Variants in SPOCK1 observed in about 807,000 individuals in gnomAD.
SPOCK1 encodes SPARC (osteonectin), cwcv and kazal like domains proteoglycan 1, also known as testican-1.
In SPOCK1, 23 loss-of-function variants were observed where a neutral mutation model predicts 55.3. The ratio of observed to expected loss-of-function variants is 0.42; its 90% CI spans 0.30 to 0.59. The LOEUF is 0.59. Ranked by LOEUF, SPOCK1 falls within the 20% of genes least tolerant of loss-of-function variation. The pLI is 0.22. For synonymous variants in SPOCK1, 226 were observed against 221.0 expected (o/e 1.02, Z -0.20); for missense variants, 499 against 552.5 (o/e 0.90, Z 0.97).
At chr5:137,006,176 T>A (rs1404710243) in intron 6 of SPOCK1, among the ~76,000 whole-genome samples, 1 of 152,238 alleles carries the variant, frequency 6.6e-6, no homozygotes, top group Non-Finnish European at 1.5e-5. Flanking sequence ...TAGGATTGTC[T>A]TGGCTATACG....
intron 2 of SPOCK1, among the ~76,000 whole-genome samples, chr5:137,341,417 T>C (rs1750420849): frequency 6.6e-6 from 1 of 152,224 alleles, no homozygotes; most frequent in Non-Finnish European, 1.5e-5. Flanking sequence ...ATCAGGACGC[T>C]GCCAAGGAAG....
chr5:137,137,822 C>A (rs576106065), intron 4 of SPOCK1, among the ~76,000 whole-genome samples: 11 of 152,304 alleles, frequency 7.2e-5, no homozygotes, highest in African/African-American at 9.6e-5. Context: ...TAACTTGCAA[C>A]TTTGGAGATT....
At chr5:137,498,608 G>C (rs1313511102) in intron 1 of SPOCK1, 50 bp from the exon 2 acceptor site, 7 of 1,259,224 alleles carry the variant, frequency 5.6e-6, no homozygotes, top group South Asian at 2.9e-5. Flanking sequence ...GGGCGGCCGC[G>C]AGCCCCGGGC....
intron 5 of SPOCK1, among the ~76,000 whole-genome samples, chr5:137,083,290 C>A (rs1484150857): frequency 6.6e-6 from 1 of 152,240 alleles, no homozygotes; most frequent in African/African-American, 2.4e-5. Context: ...CTCAAATCCT[C>A]GGGAGCCACA....
intron 2 of SPOCK1, among the ~76,000 whole-genome samples, chr5:137,306,860 C>T (rs1222945256): frequency 2.0e-5 from 3 of 152,100 alleles, no homozygotes; most frequent in African/African-American, 7.2e-5. Flanking sequence ...ATAAAGAAGG[C>T]CACTATGTCA....
At chr5:137,053,976 A>G (rs866013069) in intron 6 of SPOCK1, among the ~76,000 whole-genome samples, 1 of 152,148 alleles carries the variant, frequency 6.6e-6, no homozygotes, top group South Asian at 2.1e-4. Context: ...CTACATGTCT[A>G]CAAGACTAAT....
At chr5:136,994,082 G>A (rs1399310732) in intron 6 of SPOCK1, among the ~76,000 whole-genome samples, 1 of 152,134 alleles carries the variant, frequency 6.6e-6, no homozygotes, top group African/African-American at 2.4e-5. Flanking sequence ...TAGAGGAGAG[G>A]TGACCAGGCC....
intron 5 of SPOCK1, among the ~76,000 whole-genome samples, chr5:137,108,728 A>G (rs1295815515): frequency 6.6e-6 from 1 of 152,206 alleles, no homozygotes; most frequent in Admixed American, 6.5e-5. Context: ...GCAGGAATTC[A>G]AAGACACTAA....
chr5:137,191,807 C>G (rs1207436683), intron 3 of SPOCK1, among the ~76,000 whole-genome samples: 1 of 152,206 alleles, frequency 6.6e-6, no homozygotes, highest in South Asian at 2.1e-4. Flanking sequence ...GTCTACTAGT[C>G]TTAAAACTAA....
chr5:137,427,305 C>T (rs1305288808), intron 2 of SPOCK1, among the ~76,000 whole-genome samples: 2 of 152,228 alleles, frequency 1.3e-5, no homozygotes, highest in Non-Finnish European at 2.9e-5. Flanking sequence ...TTCTCCACAA[C>T]ACTGGTTGAT....
intron 2 of SPOCK1, among the ~76,000 whole-genome samples, chr5:137,407,909 G>T (rs1011959034): frequency 6.6e-6 from 1 of 152,116 alleles, no homozygotes. Flanking sequence ...AAGCCACAGG[G>T]CCCTGCAGGG....
chr5:137,105,012 G>A (rs1015380726), intron 5 of SPOCK1, among the ~76,000 whole-genome samples: 1 of 152,150 alleles, frequency 6.6e-6, no homozygotes, highest in South Asian at 2.1e-4. Flanking sequence ...TGGACTGTTG[G>A]TGTCCACTGT....
intron 2 of SPOCK1, among the ~76,000 whole-genome samples, chr5:137,468,170 A>G (rs1385868394): frequency 1.3e-5 from 2 of 152,236 alleles, no homozygotes; most frequent in Non-Finnish European, 2.9e-5. Flanking sequence ...TTCTCATTCC[A>G]TTTCTTTAAA....
intron 3 of SPOCK1, among the ~76,000 whole-genome samples, chr5:137,165,083 C>A (rs758765819): frequency 2.6e-5 from 4 of 152,160 alleles, no homozygotes; most frequent in Non-Finnish European, 4.4e-5. Flanking sequence ...TAAGCCATAG[C>A]CAGGAAGTGG....
chr5:137,478,721 T>C (rs1488474315), intron 2 of SPOCK1, among the ~76,000 whole-genome samples: 1 of 152,078 alleles, frequency 6.6e-6, no homozygotes, highest in African/African-American at 2.4e-5. Flanking sequence ...AGCAGAGAGT[T>C]AGGTCTCTTA....
In SPOCK1 at chr5:137,216,441, T is replaced by C. The variant is rs556845008; in HGVS notation, c.232+50569A>G. 2.6e-5 allele frequency among the ~76,000 whole-genome samples: 4 copies of C among 152,366 alleles called. No homozygotes were observed. The South Asian group carries it at 8.3e-4, about 32-fold the overall frequency. Reference sequence around the variant, plus strand: ...ATCATAACAGTAAGGCCGGGTGCAGTGGCTCATGCCTGTAATCCCGGCACT... The same window carrying C: ...ATCATAACAGTAAGGCCGGGTGCAGCGGCTCATGCCTGTAATCCCGGCACT... On this transcript the variant is annotated intron_variant, in intron 3 of 10. Coordinates refer to ENST00000394945, the MANE Select transcript of SPOCK1 (RefSeq NM_004598.4).
chr5:137,154,133 C>G (rs935656524), intron 3 of SPOCK1, among the ~76,000 whole-genome samples: 2 of 150,616 alleles, frequency 1.3e-5, no homozygotes, highest in Admixed American at 6.6e-5. Context: ...ACTAAAAATA[C>G]AAAATTAGCC....
intron 2 of SPOCK1, among the ~76,000 whole-genome samples, chr5:137,443,570 C>T (rs1297211321): frequency 6.6e-6 from 1 of 152,134 alleles, no homozygotes; most frequent in Non-Finnish European, 1.5e-5. Context: ...CAGGTCCACA[C>T]TTGACTCCTT....
At chr5:137,430,051 A>G (rs1163276219) in intron 2 of SPOCK1, among the ~76,000 whole-genome samples, 1 of 152,208 alleles carries the variant, frequency 6.6e-6, no homozygotes, top group African/African-American at 2.4e-5. Flanking sequence ...AGAGCATTTC[A>G]TATTGAGCAG....
Sources: allele counts gnomAD v4.1 joint callset (sites outside exome capture counted in the v4.1 genomes callset), GRCh38; gene constraint gnomAD v4.1.1; transcripts MANE v1.5; gene names NCBI Gene and HGNC (gene_info 2026-07-23, HGNC 2026-07-21).